Variants in MEGF11 observed in about 807,000 individuals in gnomAD.
MEGF11 encodes multiple epidermal growth factor-like domains protein 11.
MEGF11 carries 126 observed loss-of-function variants against 146.6 expected under a neutral mutation model. The observed-to-expected ratio is 0.86, with a 90% confidence interval of 0.74 to 1.00. The LOEUF is 1.00. Among genes scored for constraint, MEGF11 ranks in the 50% least tolerant of loss-of-function variants. The pLI is 0.00. For synonymous variants in MEGF11, 532 were observed against 583.4 expected (o/e 0.91, Z 1.27); for missense variants, 1,509 against 1,521.2 (o/e 0.99, Z 0.13).
chr15:65,926,643 C>T (rs1468458877), intron 13 of MEGF11, among the ~76,000 whole-genome samples: 1 of 152,122 alleles, frequency 6.6e-6, no homozygotes, highest in African/African-American at 2.4e-5. Flanking sequence ...CTCTCATTGG[C>T]CCCCTTCTGC....
intron 1 of MEGF11, among the ~76,000 whole-genome samples, chr15:66,155,818 C>T (rs1278700857): frequency 1.3e-5 from 2 of 152,250 alleles, no homozygotes; most frequent in Non-Finnish European, 2.9e-5. Flanking sequence ...TTCTTCCCCA[C>T]TCCACTGCTG....
intron 10 of MEGF11, among the ~76,000 whole-genome samples, chr15:65,948,705 A>C (rs187105822): frequency 6.6e-6 from 1 of 152,328 alleles, no homozygotes; most frequent in Non-Finnish European, 1.5e-5. Context: ...TCAGAATAAC[A>C]CTACAGCATA....
intron 16 of MEGF11, among the ~76,000 whole-genome samples, chr15:65,917,524 A>T (rs2079040110): frequency 6.6e-6 from 1 of 152,062 alleles, no homozygotes; most frequent in African/African-American, 2.4e-5. Flanking sequence ...TTCACATCAG[A>T]TTGGTGCACT....
At chr15:66,153,613 T>C (rs2089648090) in intron 1 of MEGF11, among the ~76,000 whole-genome samples, 1 of 152,056 alleles carries the variant, frequency 6.6e-6, no homozygotes, top group African/African-American at 2.4e-5. Flanking sequence ...AGAAAGCAGA[T>C]CTGACTCATG....
chr15:66,031,255 C>T (rs144159870), intron 5 of MEGF11, among the ~76,000 whole-genome samples: 13 of 152,290 alleles, frequency 8.5e-5, no homozygotes, highest in Non-Finnish European at 1.6e-4. Context: ...TGCCCCAGTG[C>T]GTGTTCCTCG....
In MEGF11 at chr15:66,020,152, C is replaced by T. The variant is rs139716186; in HGVS notation, c.395-37664G>A. On this transcript the variant is annotated intron_variant, in intron 5 of 25. Transcript: ENST00000395614. The stretch of plus-strand genomic sequence containing the variant: ...AGGGCCCAGGCCCCTAGGATTAGAT[C>T]ATTCAATTTCCTGGTCGCAGCGATT... Among the ~76,000 whole-genome samples the T allele has an allele frequency of 4.8e-3, 734 of 152,374 alleles. 12 individuals are homozygous for T. Among genetic ancestry groups the T allele is most frequent in the Non-Finnish European group, 5.5e-3 (371 of 68,042 alleles).
chr15:66,031,787 C>T (rs566567444), intron 5 of MEGF11, among the ~76,000 whole-genome samples: 14 of 152,300 alleles, frequency 9.2e-5, no homozygotes, highest in East Asian at 5.8e-4. Context: ...CCCAAAAGTT[C>T]GTGTGTTGGA....
chr15:65,917,875 G>A (rs2141231339), intron 16 of MEGF11, 91 bp downstream of exon 16: 1 of 1,487,780 alleles, frequency 6.7e-7, no homozygotes, highest in Non-Finnish European at 9.3e-7. Flanking sequence ...CCTGGAAGTG[G>A]AGGCACCAGG....
intron 5 of MEGF11, among the ~76,000 whole-genome samples, chr15:65,989,315 G>T (rs772376015): frequency 1.3e-5 from 2 of 152,186 alleles, no homozygotes; most frequent in African/African-American, 2.4e-5. Context: ...GAACCTGGAA[G>T]CCACTGCCCC....
chr15:66,176,952 G>C (rs928958482), intron 1 of MEGF11, among the ~76,000 whole-genome samples: 1 of 152,176 alleles, frequency 6.6e-6, no homozygotes, highest in Non-Finnish European at 1.5e-5. Flanking sequence ...AAGTTCACAG[G>C]CCATGCCTAG....
intron 1 of MEGF11, among the ~76,000 whole-genome samples, chr15:66,128,730 C>A (rs1226271118): frequency 2.0e-5 from 3 of 152,198 alleles, no homozygotes; most frequent in Middle Eastern, 3.4e-3. Flanking sequence ...GTCCTCAGGC[C>A]CCCGGGCCCA....
At chr15:65,968,262 A>T (rs565720799) in intron 8 of MEGF11, among the ~76,000 whole-genome samples, 81 of 152,164 alleles carry the variant, frequency 5.3e-4, no homozygotes, top group Non-Finnish European at 1.1e-3. Context: ...AATAATCACT[A>T]TCTGAGTTGC....
intron 3 of MEGF11, among the ~76,000 whole-genome samples, chr15:66,121,961 T>C (rs2088047281): frequency 2.6e-5 from 4 of 152,194 alleles, no homozygotes; most frequent in Admixed American, 2.6e-4. Flanking sequence ...CCAAGATTAC[T>C]AGGCATATAA....
chr15:66,201,969 A>AC (rs2091172051), intron 1 of MEGF11, among the ~76,000 whole-genome samples: 2 of 148,896 alleles, frequency 1.3e-5, no homozygotes, highest in Non-Finnish European at 3.0e-5. Context: ...AAAAAAAAAA[A>AC]AAAAAACCTG....
At chr15:66,044,850 C>CAAAAAAAAAAAAAAAAAAAAAA (rs140901440) in intron 5 of MEGF11, among the ~76,000 whole-genome samples, 1 of 90,700 alleles carries the variant, frequency 1.1e-5, no homozygotes, top group Admixed American at 1.1e-4. Flanking sequence ...GACCTTATCT[C>CAAAAAAAAAAAAAAAAAAAAAA]AAAAAAAAAA....
rs150557395 is a variant in MEGF11 at position 66,160,732 on chromosome 15, C to T, written c.-8-32321G>A. 6.9e-3 allele frequency among the ~76,000 whole-genome samples: 1,040 copies of T among 151,308 alleles called. 11 individuals are homozygous for T. The highest frequency in any genetic ancestry group is 8.8e-3 in the Non-Finnish European group (594 of 67,860). On this transcript the variant is annotated intron_variant, in intron 1 of 25. Coordinates refer to ENST00000395614, the MANE Select transcript of MEGF11 (RefSeq NM_001385028.1). ...CCTTGCCCTAGGAATTTATTCCTGCCCTTCTGCTCTATTCTACTAGGGAGG... is the reference window on the plus strand; with the variant it reads ...CCTTGCCCTAGGAATTTATTCCTGCTCTTCTGCTCTATTCTACTAGGGAGG...
chr15:66,060,011 G>A (rs1043065650), intron 5 of MEGF11, among the ~76,000 whole-genome samples: 3 of 152,030 alleles, frequency 2.0e-5, no homozygotes, highest in Non-Finnish European at 4.4e-5. Flanking sequence ...GCAGTGGGTG[G>A]GGGAGCATTA....
In MEGF11 at chr15:65,922,878, T is replaced by G; in HGVS notation, c.1767A>C (p.Pro589=). 2.5e-6 allele frequency: 4 copies of G among 1,613,316 alleles called. No individual in the cohort carries two copies. Among genetic ancestry groups the G allele is most frequent in the Non-Finnish European group, 3.4e-6 (4 of 1,179,724 alleles). Residue 589 remains proline, a synonymous_variant, in exon 14 of 26, where the codon CCA becomes CCC. Transcript: ENST00000395614. ...GGGCACACTCGCAGCTCCCATCCTCTGGGGAGCAGGAGCCTCCATTCTCAC... is the reference window on the plus strand; with the variant it reads ...GGGCACACTCGCAGCTCCCATCCTCGGGGGAGCAGGAGCCTCCATTCTCAC... ...CSCENGGSCS[P]EDGSCECAPG... is the part of the protein sequence containing the mutation.
chr15:66,187,861 G>A (rs1430186758), intron 1 of MEGF11, among the ~76,000 whole-genome samples: 1 of 152,218 alleles, frequency 6.6e-6, no homozygotes, highest in African/African-American at 2.4e-5. Flanking sequence ...TGAACTCCAT[G>A]ATTTTGATAA....
Sources: gnomAD v4.1 joint callset for allele counts (sites outside exome capture counted in the v4.1 genomes callset) on GRCh38, gnomAD v4.1.1 for gene constraint, MANE v1.5 for transcripts, NCBI Gene and HGNC (gene_info 2026-07-23, HGNC 2026-07-21) for gene names.